The following EGF variants were observed in gnomAD, a reference collection of about 807,000 sequenced individuals.
EGF encodes epidermal growth factor.
A neutral mutation model predicts 143.8 loss-of-function variants in EGF; 95 were observed. The ratio of observed to expected loss-of-function variants is 0.66; its 90% CI spans 0.56 to 0.78. The LOEUF (loss-of-function observed/expected upper bound fraction) is 0.78, where lower values mean the gene tolerates loss of function less well. Ranked by LOEUF, EGF falls within the 30% of genes least tolerant of loss-of-function variation. EGF has a pLI of 0.00. For synonymous variants in EGF, 510 were observed against 510.5 expected, an observed-to-expected ratio of 1.00 and a Z score of 0.01; for missense variants, 1,320 against 1,470.9, an observed-to-expected ratio of 0.90 and a Z score of 1.68.
At chr4:109,932,405 G>C (rs10018671) in intron 1 of EGF, among the ~76,000 whole-genome samples, 1 of 97,322 alleles carries the variant, frequency 1.0e-5, no homozygotes, top group African/African-American at 4.0e-5. Context: ...TTGAGACGGA[G>C]TCTCGCTCTG....
At chr4:109,961,279 C>CAGG (rs1165328358) in intron 7 of EGF, among the ~76,000 whole-genome samples, 2 of 152,034 alleles carry the variant, frequency 1.3e-5, no homozygotes, top group East Asian at 3.9e-4. Flanking sequence ...TCACTTGAAC[C>CAGG]AGGAGGAGGA....
intron 10 of EGF, chr4:109,968,668 A>G (rs1361872494): frequency 9.7e-6 from 2 of 205,984 alleles, no homozygotes; most frequent in Non-Finnish European, 1.8e-5. Context: ...ATTTATATCT[A>G]TATACATCTA....
intron 1 of EGF, among the ~76,000 whole-genome samples, chr4:109,930,251 C>T (rs1739452711): frequency 6.6e-6 from 1 of 152,048 alleles, no homozygotes; most frequent in South Asian, 2.1e-4. Flanking sequence ...TTTTAAGTAC[C>T]GTAACTGAAG....
intron 5 of EGF, among the ~76,000 whole-genome samples, chr4:109,956,765 A>C (rs1165149447): frequency 1.3e-5 from 2 of 152,228 alleles, no homozygotes; most frequent in African/African-American, 4.8e-5. Context: ...TTAGCAGGTA[A>C]TACTGCAATG....
chr4:109,976,089 T>C lies in EGF; in HGVS notation c.1907T>C (p.Ile636Thr), dbSNP rs1261296330. 1 of 1,614,014 alleles carries C rather than the reference T, an allele frequency of 6.2e-7. No individual in the cohort carries two copies. Among genetic ancestry groups the C allele is most frequent in the Non-Finnish European group, 8.5e-7 (1 of 1,179,950 alleles). The part of the protein sequence containing the change: ...SSLQGLGRLV[I>T]ASSDLIWPSG... ...CTCCAAGGCCTTGGCCGTCTGGTTA[T>C]AGCCAGCTCTGATCTAATCTGGCCC... The change falls in exon 13 of 24, where the codon ATA becomes ACA. Residue 636 changes from isoleucine to threonine, a missense_variant. Physicochemically the swap from Ile to Thr is moderately conservative, Grantham distance 89. Around this residue, in one of 5 missense-constraint regions of EGF, gnomAD observed 1,186 missense variants for 1,313.7 expected, o/e 0.90. Transcript: ENST00000265171.
At chr4:109,936,096 G>C (rs1740741052) in intron 1 of EGF, among the ~76,000 whole-genome samples, 1 of 152,078 alleles carries the variant, frequency 6.6e-6, no homozygotes, top group South Asian at 2.1e-4. Flanking sequence ...TTTTTCTATT[G>C]ATTGGAATAG....
intron 20 of EGF, among the ~76,000 whole-genome samples, chr4:109,996,260 T>C (rs1185268088): frequency 1.3e-5 from 2 of 152,210 alleles, no homozygotes; most frequent in East Asian, 3.8e-4. Context: ...TATTAAATGA[T>C]TGATGAACTC....
chr4:109,994,918 C>T (rs1418064348), intron 20 of EGF, 38 bp downstream of exon 20: 1 of 1,613,184 alleles, frequency 6.2e-7, no homozygotes. Flanking sequence ...CAGAGAGATG[C>T]TATTCAGTCC....
At chr4:109,974,678 C>T (rs1748199868) in intron 11 of EGF, 25 bp from the exon 12 acceptor site, 2 of 1,553,614 alleles carry the variant, frequency 1.3e-6, no homozygotes, top group African/African-American at 2.7e-5. Context: ...TTATAACAAA[C>T]TCCCTTATTT....
chr4:109,994,482 T>A (rs1449624305), intron 19 of EGF, among the ~76,000 whole-genome samples: 1 of 152,214 alleles, frequency 6.6e-6, no homozygotes, highest in African/African-American at 2.4e-5. Flanking sequence ...GACTTAGGAC[T>A]GGGTGTTCTT....
chr4:110,008,800 A>G (rs912190262), intron 23 of EGF, among the ~76,000 whole-genome samples: 1 of 152,164 alleles, frequency 6.6e-6, no homozygotes, highest in African/African-American at 2.4e-5. Flanking sequence ...AACTCAGTCT[A>G]CTTCAGATAG....
chr4:109,916,829 T>C (rs1736743340), intron 1 of EGF, among the ~76,000 whole-genome samples: 1 of 152,220 alleles, frequency 6.6e-6, no homozygotes, highest in Non-Finnish European at 1.5e-5. Flanking sequence ...TCATCGAACA[T>C]TTTTTATACA....
At chr4:110,005,036 C>CTTTTTTTTTTTTTTTTTTTTTTTTTTTT (rs538062029) in intron 22 of EGF, among the ~76,000 whole-genome samples, 10 of 80,698 alleles carry the variant, frequency 1.2e-4, no homozygotes, top group South Asian at 6.0e-4. Context: ...TTTTCTCTGT[C>CTTTTTTTTTTTTTTTTTTTTTTTTTTTT]TTTTTTTTTT....
chr4:109,986,516 A>C (rs1029240339), intron 16 of EGF, among the ~76,000 whole-genome samples: 4 of 152,190 alleles, frequency 2.6e-5, no homozygotes, highest in Admixed American at 2.0e-4. Flanking sequence ...GCAATTACCC[A>C]ATGTCTGCAT....
At position 109,922,794 on chromosome 4, in the gene EGF, C is replaced by T. The variant is rs75663890; in HGVS notation, c.127+9332C>T. Among the ~76,000 whole-genome samples the T allele has an allele frequency of 0.013, 1,994 of 151,720 alleles. 211 individuals carry two copies. In the East Asian group the frequency reaches 0.23, roughly 18 times the overall value. On this transcript the variant is annotated intron_variant, in intron 1 of 23. Transcript: ENST00000265171. ...CTGGAGCTGATATAAGCTGTTAATA[C>T]CTACCTCTTAGATTGCTATGAGTAC...
Position 109,968,786 on chromosome 4 carries a change from C to T in EGF, c.1576-185C>T. The T allele has an allele frequency of 4.7e-6, 3 of 639,434 alleles. No homozygotes were observed. The South Asian group carries it at 5.7e-5, about 12-fold the overall frequency. 39.6% of individuals were successfully genotyped at this position (639,434 alleles called of 1,614,324 possible). A position where few individuals can be genotyped will look rare whatever the true frequency, so the allele number is the denominator to read the frequency against. On this transcript the variant is annotated intron_variant, in intron 10 of 23. Coordinates refer to ENST00000265171, the MANE Select transcript of EGF (RefSeq NM_001963.6). ...CGATGAGGAAACTAAGATTCTGAGACATTAAATAACTTGCTTAAGGTTACA... is the reference window on the plus strand; with the variant it reads ...CGATGAGGAAACTAAGATTCTGAGATATTAAATAACTTGCTTAAGGTTACA...
At chr4:109,949,533 T>C (rs887040039) in intron 5 of EGF, among the ~76,000 whole-genome samples, 16 of 152,168 alleles carry the variant, frequency 1.1e-4, no homozygotes, top group Non-Finnish European at 1.8e-4. Flanking sequence ...TCTCTAAAGG[T>C]GACACAACCC....
chr4:109,983,968 A>G (rs1415551634), intron 16 of EGF, among the ~76,000 whole-genome samples: 1 of 152,244 alleles, frequency 6.6e-6, no homozygotes, highest in Non-Finnish European at 1.5e-5. Context: ...GTCCACAAAC[A>G]GCAAATGTTG....
intron 7 of EGF, among the ~76,000 whole-genome samples, 164 bp downstream of exon 7, chr4:109,961,153 CTGGGCAACA>C (rs1745624634): frequency 6.6e-6 from 1 of 151,490 alleles, no homozygotes; most frequent in African/African-American, 2.4e-5. Flanking sequence ...GACTGCCAGC[CTGGGCAACA>C]TGGTGAGACC....
Sources: gnomAD v4.1 joint callset for allele counts (sites outside exome capture counted in the v4.1 genomes callset) on GRCh38, gnomAD v4.1.1 for gene constraint, gnomAD v4.1.1 regional missense constraint, MANE v1.5 for transcripts, NCBI Gene and HGNC (gene_info 2026-07-23, HGNC 2026-07-21) for gene names.